Variants in UBA5 observed in about 807,000 individuals in gnomAD.
The protein encoded by UBA5 is ubiquitin-like modifier-activating enzyme 5.
In UBA5, 28 loss-of-function variants were observed where a neutral mutation model predicts 52.9. The ratio of observed to expected loss-of-function variants is 0.53; its 90% confidence interval spans 0.39 to 0.73. UBA5 has a LOEUF of 0.73. Among genes scored for constraint, UBA5 ranks in the 30% least tolerant of loss-of-function variants. UBA5 has a pLI of 0.00. For missense variants in UBA5, 388 were observed against 492.7 expected (o/e 0.79, Z 2.01); for synonymous variants, 135 against 162.1 (o/e 0.83, Z 1.27).
At chr3:132,669,016 C>T (rs572842117) in intron 4 of UBA5, 89 bp downstream of exon 4, 1 of 961,716 alleles carries the variant, frequency 1.0e-6, no homozygotes, top group Non-Finnish European at 1.5e-6. Flanking sequence ...CTTAATTTTT[C>T]TCTATAAAAT....
intron 5 of UBA5, 64 bp downstream of exon 5, chr3:132,670,348 A>C (rs1019509302): frequency 8.6e-6 from 6 of 701,710 alleles, no homozygotes; most frequent in Non-Finnish European, 1.4e-5. Flanking sequence ...AATTATTAGA[A>C]AAATCTATGG....
Position 132,668,917 on chromosome 3 carries a change from C to T in UBA5, c.397C>T (p.His133Tyr), listed in dbSNP as rs1444787161. The change falls in exon 4 of 12, where the codon CAT (histidine) becomes TAT (tyrosine). Residue 133 changes from histidine (H) to tyrosine (Y), a missense_variant. Physicochemically the swap from His to Tyr is moderately conservative, Grantham distance 83. This residue lies in a region of UBA5 where 277 missense variants were observed against 326.4 expected (regional missense o/e 0.85). Coordinates refer to ENST00000356232, the MANE Select transcript of UBA5 (RefSeq NM_024818.6). ...AGLSKVQAAE[H>Y]TLRNINPDVL... ...ATTAAGTAAAGTTCAAGCAGCAGAA[C>T]ATACTCTGAGGTAAATGGAATAGCA... 6.2e-7 allele frequency: 1 copy of T among 1,602,032 alleles called. No individual in the cohort carries two copies. Among genetic ancestry groups the T allele is most frequent in the African/African-American group, 1.3e-5 (1 of 74,476 alleles).
At chr3:132,656,949 T>C (rs991598699), upstream of UBA5, among the ~76,000 whole-genome samples, 5 of 152,118 alleles carry the variant, frequency 3.3e-5, no homozygotes, top group Admixed American at 2.0e-4. Flanking sequence ...ATTATAGTTA[T>C]ATTCTGAATA....
At chr3:132,670,007 C>A (rs115690365) in intron 4 of UBA5, among the ~76,000 whole-genome samples, 191 bp from the exon 5 acceptor site, 7 of 152,256 alleles carry the variant, frequency 4.6e-5, no homozygotes, top group African/African-American at 1.7e-4. Flanking sequence ...CTTACTACAG[C>A]TACTAGTAGT....
upstream of UBA5, chr3:132,659,879 G>T: frequency 2.6e-6 from 3 of 1,155,688 alleles, no homozygotes; most frequent in Non-Finnish European, 3.5e-6. Flanking sequence ...CCAGCCAACC[G>T]CACACAGCCT....
chr3:132,676,025 A>G lies in UBA5; in HGVS notation c.1131+102A>G. ...CAATGAAGTATTTCCTGTTTTAGAT[A>G]TTTTATGCTATAGGCATTAAGATGT... On this transcript the variant is annotated intron_variant, in intron 11 of 11. Transcript: ENST00000356232. This position sits in a 1 kb window ranked among gnomAD's most constrained non-coding sequence, Gnocchi z 4.1. 1.3e-6 allele frequency: 1 copy of G among 785,842 alleles called. No individual in the cohort carries two copies. The highest frequency in any genetic ancestry group is 2.7e-5 in the East Asian group (1 of 36,826). The allele number at this position is 785,842 out of a possible 1,614,324, so 48.7% of individuals were successfully genotyped here.
chr3:132,673,472 CAAGTAGTTGG>C, intron 8 of UBA5, among the ~76,000 whole-genome samples: 1 of 152,006 alleles, frequency 6.6e-6, no homozygotes, highest in East Asian at 1.9e-4. Flanking sequence ...CTCAGCCTTC[CAAGTAGTTGG>C]AAGTACGAGT....
intron 2 of UBA5, 55 bp downstream of exon 2, chr3:132,665,923 C>T (rs1938358439): frequency 6.2e-6 from 10 of 1,610,306 alleles, no homozygotes; most frequent in South Asian, 1.1e-5. Flanking sequence ...ATTAAAATAA[C>T]TTCTGGTGAC....
intron 8 of UBA5, among the ~76,000 whole-genome samples, chr3:132,673,144 A>T (rs1220411806): frequency 6.6e-6 from 1 of 152,184 alleles, no homozygotes; most frequent in Non-Finnish European, 1.5e-5. Context: ...AGACAGTAGT[A>T]GGCCCTGTCT....
intron 3 of UBA5, chr3:132,668,078 AT>A (rs1938449219): frequency 6.6e-6 from 1 of 151,950 alleles, no homozygotes; most frequent in African/African-American, 2.4e-5. Flanking sequence ...GAGTCACAGA[AT>A]TTCATATGAA....
At chr3:132,671,233 A>G (rs1938587080) in intron 6 of UBA5, among the ~76,000 whole-genome samples, 184 bp downstream of exon 6, 1 of 152,172 alleles carries the variant, frequency 6.6e-6, no homozygotes, top group Non-Finnish European at 1.5e-5. Flanking sequence ...TAGACTGTCT[A>G]GCCTTGCTGC....
Position 132,660,401 on chromosome 3 carries a change from C to T in UBA5, c.-137C>T. 3.5e-6 allele frequency: 4 copies of T among 1,136,260 alleles called. No individual in the cohort carries two copies. Among genetic ancestry groups the T allele is most frequent in the Non-Finnish European group, 4.9e-6 (4 of 814,324 alleles). The allele number at this position is 1,136,260 out of a possible 1,614,324, so 70.4% of individuals were successfully genotyped here. On this transcript the variant is annotated 5_prime_UTR_variant, in exon 1 of 12. In the 5' UTR this introduces an upstream ATG that the reference lacks. Coordinates refer to ENST00000356232, the MANE Select transcript of UBA5 (RefSeq NM_024818.6). The surrounding 1 kb of genome is among the most constrained non-coding windows in gnomAD (Gnocchi z 4.1). Reference sequence around the variant, plus strand: ...GTCTGTCTGTGAGGCGCTGGGTGCACGTCCCCAGGGCTCTGGGCTAGGAAG... The same window carrying T: ...GTCTGTCTGTGAGGCGCTGGGTGCATGTCCCCAGGGCTCTGGGCTAGGAAG...
chr3:132,662,678 AACAC>A (rs1938216684), intron 1 of UBA5, among the ~76,000 whole-genome samples: 1 of 152,212 alleles, frequency 6.6e-6, no homozygotes, highest in Non-Finnish European at 1.5e-5. Flanking sequence ...GATATTAAAA[AACAC>A]AAGTAACCGT....
At chr3:132,660,310 G>T, upstream of UBA5, 1 of 606,344 alleles carries the variant, frequency 1.6e-6, no homozygotes, top group Non-Finnish European at 2.9e-6. This position sits in a 1 kb window ranked among gnomAD's most constrained non-coding sequence, Gnocchi z 4.1. Flanking sequence ...TTTTGATGAG[G>T]GGGAGCGATG....
At position 132,660,754 on chromosome 3, in the gene UBA5, G is replaced by GC. The variant is rs1938116989; in HGVS notation, c.161+56_161+57insC. The GC allele has an allele frequency of 3.5e-5, 51 of 1,469,568 alleles. No individual in the cohort carries two copies. The highest frequency in any genetic ancestry group is 4.4e-5 in the Non-Finnish European group (49 of 1,106,044). 91.0% of individuals were successfully genotyped at this position (1,469,568 alleles called of 1,614,324 possible). On this transcript the variant is annotated intron_variant, in intron 1 of 11. Coordinates refer to ENST00000356232, the MANE Select transcript of UBA5 (RefSeq NM_024818.6). The surrounding 1 kb of genome is among the most constrained non-coding windows in gnomAD (Gnocchi z 4.1). ...CGGGGGACGAGGTCAGGCTCCGTGA[G>GC]GTCAGAAGTGAGGCGCTTCCCACGT...
At chr3:132,665,685 C>A in intron 1 of UBA5, 138 bp from the exon 2 acceptor site, 1 of 819,938 alleles carries the variant, frequency 1.2e-6, no homozygotes, top group Non-Finnish European at 1.9e-6. Flanking sequence ...TAAAAACCAG[C>A]CTGTAAGCAT....
upstream of UBA5, among the ~76,000 whole-genome samples, chr3:132,658,574 T>G (rs1221022233): frequency 6.6e-6 from 1 of 152,232 alleles, no homozygotes; most frequent in Admixed American, 6.5e-5. Flanking sequence ...AACTTTGATC[T>G]GTTTCAGTTT....
upstream of UBA5, chr3:132,660,283 A>G (rs1361402001): frequency 1.2e-5 from 7 of 576,140 alleles, no homozygotes; most frequent in African/African-American, 1.3e-4. This position sits in a 1 kb window ranked among gnomAD's most constrained non-coding sequence, Gnocchi z 4.1. Context: ...CGAGGAAGGA[A>G]GCCGAAAGAG....
At position 132,679,178 on chromosome 3, in the gene UBA5, G is replaced by C. The variant is rs567792493; in HGVS notation, c.*2652G>C. ...AGCTACTTAGGAGGCTGAGGCAGGA[G>C]AATCGCTTGAACCTGGGAGGCAGAG... On this transcript the variant is annotated 3_prime_UTR_variant, in exon 12 of 12. Coordinates refer to ENST00000356232, the MANE Select transcript of UBA5 (RefSeq NM_024818.6). 5.9e-5 allele frequency among the ~76,000 whole-genome samples: 9 copies of C among 152,048 alleles called. 1 individual carries two copies. The highest frequency in any genetic ancestry group is 2.6e-4 in the Admixed American group (4 of 15,280).
Sources: allele counts gnomAD v4.1 joint callset (sites outside exome capture counted in the v4.1 genomes callset), GRCh38; gene constraint gnomAD v4.1.1; regional missense constraint gnomAD v4.1.1; non-coding constraint Gnocchi (gnomAD v3.1); transcripts MANE v1.5; gene names NCBI Gene and HGNC (gene_info 2026-07-23, HGNC 2026-07-21).